XKR6: variants seen among roughly 807,000 people sequenced by gnomAD.
XKR6 encodes XK related 6, also known as XK-related protein 6.
XKR6 carries 22 observed loss-of-function variants against 56.7 expected under a neutral mutation model. The observed-to-expected ratio is 0.39, with a 90% confidence interval of 0.28 to 0.55. The LOEUF (loss-of-function observed/expected upper bound fraction) is 0.55, where lower values mean the gene tolerates loss of function less well. XKR6 is among the 20% of genes least tolerant of loss of function. The pLI, the probability that XKR6 is intolerant of heterozygous loss-of-function variation, is 0.66. For synonymous variants in XKR6, 524 were observed against 387.8 expected (o/e 1.35, Z -4.13); for missense variants, 852 against 889.0 (o/e 0.96, Z 0.53).
intron 1 of XKR6, among the ~76,000 whole-genome samples, chr8:10,977,142 T>G (rs4840528): frequency 0.11 from 16,467 of 152,110 alleles, 1,540 homozygotes; most frequent in African/African-American, 0.25. Flanking sequence ...GGCACTCCCT[T>G]TACAAGCAGC....
chr8:10,965,391 T>A (rs1388900928), intron 1 of XKR6, among the ~76,000 whole-genome samples: 1 of 152,150 alleles, frequency 6.6e-6, no homozygotes, highest in Non-Finnish European at 1.5e-5. Flanking sequence ...CCACAGACTT[T>A]CCCACTCAAG....
chr8:11,103,716 T>C (rs1448935199), intron 1 of XKR6, among the ~76,000 whole-genome samples: 1 of 152,218 alleles, frequency 6.6e-6, no homozygotes, highest in African/African-American at 2.4e-5. Context: ...ACTCCCTGCT[T>C]CTGTGTCAAG....
intron 2 of XKR6, among the ~76,000 whole-genome samples, chr8:10,909,721 T>G (rs578212309): frequency 6.6e-6 from 1 of 152,336 alleles, no homozygotes; most frequent in East Asian, 1.9e-4. Context: ...CTTTGTCATT[T>G]AGGAAGAAAA....
At chr8:10,992,629 A>G (rs1586403152) in intron 1 of XKR6, among the ~76,000 whole-genome samples, 1 of 152,016 alleles carries the variant, frequency 6.6e-6, no homozygotes, top group South Asian at 2.1e-4. Flanking sequence ...CCTAGATTGG[A>G]CATCAAGAGA....
At chr8:10,944,844 C>T (rs900983587) in intron 1 of XKR6, among the ~76,000 whole-genome samples, 2 of 152,194 alleles carry the variant, frequency 1.3e-5, no homozygotes, top group Non-Finnish European at 2.9e-5. Context: ...GCCCTTCTTT[C>T]CAGCAACTCT....
At chr8:11,108,342 G>A (rs1197680647) in intron 1 of XKR6, 3 of 456,164 alleles carry the variant, frequency 6.6e-6, no homozygotes, top group South Asian at 4.6e-5. Flanking sequence ...TAAATTTCCA[G>A]TCACTACTAC....
intron 1 of XKR6, among the ~76,000 whole-genome samples, chr8:11,023,727 G>C (rs73196893): frequency 0.14 from 21,676 of 152,232 alleles, 1,763 homozygotes; most frequent in Middle Eastern, 0.19. Flanking sequence ...TCTGGGAGCA[G>C]AGTCTTTCCC....
chr8:10,954,667 C>T lies in XKR6; in HGVS notation c.765-29837G>A, dbSNP rs138852690. The stretch of plus-strand genomic sequence containing the variant: ...CAGAAATTTTTAATTTTGATGAAGT[C>T]TTATCTGTCCATGTTTTCTTTTGTC... On this transcript the variant is annotated intron_variant, in intron 1 of 2. Coordinates refer to ENST00000416569, the MANE Select transcript of XKR6 (RefSeq NM_173683.4). Among the ~76,000 whole-genome samples the T allele has an allele frequency of 7.6e-4, 116 of 152,164 alleles. 1 individual carries two copies. The highest frequency in any genetic ancestry group is 2.5e-3 in the African/African-American group (102 of 41,516).
intron 1 of XKR6, among the ~76,000 whole-genome samples, chr8:11,094,144 C>T (rs891276380): frequency 1.3e-5 from 2 of 151,156 alleles, no homozygotes; most frequent in African/African-American, 4.9e-5. Flanking sequence ...TGGTCATATC[C>T]TAGATCCACT....
At chr8:11,087,593 G>A (rs1797932779) in intron 1 of XKR6, among the ~76,000 whole-genome samples, 1 of 152,192 alleles carries the variant, frequency 6.6e-6, no homozygotes, top group Admixed American at 6.5e-5. Context: ...ATGATGACCA[G>A]GAACAATGAA....
At chr8:10,939,612 C>T (rs1382651839) in intron 1 of XKR6, among the ~76,000 whole-genome samples, 3 of 152,242 alleles carry the variant, frequency 2.0e-5, no homozygotes, top group African/African-American at 7.2e-5. Flanking sequence ...GCGCTTGTAT[C>T]CCACCTGGGA....
At chr8:11,125,853 A>C (rs1362738993) in intron 1 of XKR6, 1 of 152,226 alleles carries the variant, frequency 6.6e-6, no homozygotes, top group Non-Finnish European at 1.5e-5. Flanking sequence ...TTTAGTCCCA[A>C]GTACAACAAA....
chr8:10,939,064 C>T (rs1801310356), intron 1 of XKR6, among the ~76,000 whole-genome samples: 1 of 151,922 alleles, frequency 6.6e-6, no homozygotes, highest in Non-Finnish European at 1.5e-5. Flanking sequence ...TCTCCCAGGA[C>T]CTGCTTCTCC....
chr8:11,154,786 A>G (rs78795844), intron 1 of XKR6, among the ~76,000 whole-genome samples: 12,484 of 152,082 alleles, frequency 0.082, 588 homozygotes, highest in African/African-American at 0.12. Context: ...CTACCCTTCA[A>G]CTCTTTTAAG....
At chr8:11,013,184 C>T (rs1483846249) in intron 1 of XKR6, among the ~76,000 whole-genome samples, 1 of 152,136 alleles carries the variant, frequency 6.6e-6, no homozygotes, top group African/African-American at 2.4e-5. Context: ...GAGCAGATAC[C>T]ATCTATATCT....
At chr8:10,978,764 G>C (rs1156978152) in intron 1 of XKR6, among the ~76,000 whole-genome samples, 1 of 152,172 alleles carries the variant, frequency 6.6e-6, no homozygotes, top group East Asian at 1.9e-4. Flanking sequence ...TCCCTGGCCA[G>C]GGGCAGCCAG....
At chr8:11,051,476 C>A (rs1402013533) in intron 1 of XKR6, among the ~76,000 whole-genome samples, 13 of 152,212 alleles carry the variant, frequency 8.5e-5, no homozygotes, top group African/African-American at 2.7e-4. Context: ...GTTTTCCCCT[C>A]CAGGCCTGTT....
At chr8:11,135,484 T>C (rs989580503) in intron 1 of XKR6, among the ~76,000 whole-genome samples, 2 of 152,346 alleles carry the variant, frequency 1.3e-5, no homozygotes, top group East Asian at 1.9e-4. Flanking sequence ...TTGTAACAAT[T>C]AGGACTGGAA....
chr8:10,918,764 C>A (rs1800632788), intron 2 of XKR6, among the ~76,000 whole-genome samples: 1 of 152,214 alleles, frequency 6.6e-6, no homozygotes, highest in Admixed American at 6.5e-5. Context: ...CCCCAAAGAT[C>A]TTCCTCCCAA....
Sources: gnomAD v4.1 joint callset for allele counts (sites outside exome capture counted in the v4.1 genomes callset) on GRCh38, gnomAD v4.1.1 for gene constraint, MANE v1.5 for transcripts, NCBI Gene and HGNC (gene_info 2026-07-23, HGNC 2026-07-21) for gene names.